Variants in SNTG1 observed in about 807,000 individuals in gnomAD.
SNTG1 encodes syntrophin gamma 1, also known as gamma-1-syntrophin.
Under a neutral mutation model 74.7 loss-of-function variants are expected in SNTG1, and 39 were observed. The ratio of observed to expected loss-of-function variants is 0.52; its 90% CI spans 0.40 to 0.68. The LOEUF is 0.68. SNTG1 is among the 30% of genes least tolerant of loss of function. The pLI, the probability that SNTG1 is intolerant of heterozygous loss-of-function variation, is 0.00. For missense variants in SNTG1, 685 were observed against 609.5 expected (o/e 1.12, Z -1.30); for synonymous variants, 254 against 217.1 (o/e 1.17, Z -1.49).
intron 2 of SNTG1, among the ~76,000 whole-genome samples, chr8:50,194,012 G>A (rs192657527): frequency 6.6e-6 from 1 of 152,100 alleles, no homozygotes; most frequent in African/African-American, 2.4e-5. Flanking sequence ...TGCATCTCTG[G>A]TATGAAAACC....
chr8:49,996,372 CTT>C (rs756250836), intron 1 of SNTG1, among the ~76,000 whole-genome samples: 2 of 143,984 alleles, frequency 1.4e-5, no homozygotes, highest in Non-Finnish European at 1.5e-5. Flanking sequence ...CAGTAAGAAG[CTT>C]TTTTTTTTTA....
chr8:50,705,118 A>G (rs540371407), intron 16 of SNTG1, among the ~76,000 whole-genome samples: 1 of 152,098 alleles, frequency 6.6e-6, no homozygotes, highest in African/African-American at 2.4e-5. Context: ...TGTTGGCGTC[A>G]TTTACTCACA....
intron 12 of SNTG1, among the ~76,000 whole-genome samples, chr8:50,567,806 A>AT (rs2094524363): frequency 6.6e-6 from 1 of 152,052 alleles, no homozygotes; most frequent in Non-Finnish European, 1.5e-5. Context: ...AAATCTAGGC[A>AT]TTTTTTACAG....
intron 1 of SNTG1, among the ~76,000 whole-genome samples, chr8:50,064,689 G>A (rs1177144719): frequency 1.3e-5 from 2 of 152,060 alleles, no homozygotes; most frequent in African/African-American, 4.8e-5. Flanking sequence ...AACACATCCA[G>A]CTCTTTCCTA....
At chr8:50,687,293 G>A (rs981633387) in intron 15 of SNTG1, among the ~76,000 whole-genome samples, 26 of 151,842 alleles carry the variant, frequency 1.7e-4, no homozygotes, top group Non-Finnish European at 7.4e-5. Context: ...AGTAGCAGTA[G>A]TAAATCCTTA....
chr8:50,581,587 T>C (rs1156998084), intron 12 of SNTG1, among the ~76,000 whole-genome samples: 1 of 152,166 alleles, frequency 6.6e-6, no homozygotes, highest in Non-Finnish European at 1.5e-5. Context: ...AGAATTACTA[T>C]TGTCAATCTA....
intron 15 of SNTG1, among the ~76,000 whole-genome samples, chr8:50,689,591 A>T (rs1346161368): frequency 6.9e-6 from 1 of 145,690 alleles, no homozygotes; most frequent in East Asian, 2.0e-4. Context: ...CATCCCGGGG[A>T]TGAAGCCCAC....
chr8:50,385,723 A>G (rs771299038), intron 2 of SNTG1, among the ~76,000 whole-genome samples: 73 of 152,150 alleles, frequency 4.8e-4, no homozygotes, highest in Non-Finnish European at 6.9e-4. Flanking sequence ...GATGGGCCTT[A>G]TGGACAGGAA....
intron 2 of SNTG1, among the ~76,000 whole-genome samples, chr8:50,388,635 C>T (rs2092610402): frequency 6.6e-6 from 1 of 152,094 alleles, no homozygotes; most frequent in South Asian, 2.1e-4. Flanking sequence ...CTACATCAGC[C>T]CAGCAGGCTG....
At chr8:50,195,293 C>T (rs2083723087) in intron 2 of SNTG1, among the ~76,000 whole-genome samples, 1 of 151,786 alleles carries the variant, frequency 6.6e-6, no homozygotes, top group African/African-American at 2.4e-5. Context: ...CCCACCGTGA[C>T]CCCCACAAGA....
intron 2 of SNTG1, among the ~76,000 whole-genome samples, chr8:50,309,693 T>C (rs2090034863): frequency 6.6e-6 from 1 of 152,194 alleles, no homozygotes; most frequent in Non-Finnish European, 1.5e-5. Flanking sequence ...GCAGCTATTT[T>C]AAAGAAGAGT....
intron 2 of SNTG1, among the ~76,000 whole-genome samples, chr8:50,219,518 G>T (rs564996747): frequency 7.9e-5 from 12 of 152,218 alleles, no homozygotes; most frequent in Non-Finnish European, 4.4e-5. Context: ...GGTTCCACAG[G>T]TTGTACAGGA....
At chr8:50,208,950 A>C (rs1014677673) in intron 2 of SNTG1, among the ~76,000 whole-genome samples, 5 of 152,204 alleles carry the variant, frequency 3.3e-5, no homozygotes, top group African/African-American at 1.2e-4. Flanking sequence ...TCACCTGGGA[A>C]GTGCAAGGGG....
At chr8:50,783,263 T>C (rs2095665272) in intron 18 of SNTG1, among the ~76,000 whole-genome samples, 1 of 152,190 alleles carries the variant, frequency 6.6e-6, no homozygotes, top group Non-Finnish European at 1.5e-5. Context: ...CAGAGGTTAC[T>C]GCTGTCTTTT....
Position 50,609,324 on chromosome 8 carries a change from G to T in SNTG1, c.849+18407G>T, listed in dbSNP as rs76530806. 5.0e-3 allele frequency among the ~76,000 whole-genome samples: 761 copies of T among 152,062 alleles called. 7 individuals carry two copies. The highest frequency in any genetic ancestry group is 0.017 in the African/African-American group (709 of 41,540). On this transcript the variant is annotated intron_variant, in intron 13 of 18. Coordinates refer to ENST00000642720, the MANE Select transcript of SNTG1 (RefSeq NM_018967.5). ...AGTTTTATTAGAAATTGAAATCTTT[G>T]TTGACCTTTTTTGTTTGTATCATTC...
chr8:50,408,540 C>T (rs1262519423), intron 4 of SNTG1, among the ~76,000 whole-genome samples: 3 of 152,230 alleles, frequency 2.0e-5, no homozygotes, highest in South Asian at 2.1e-4. Flanking sequence ...TCTGTATCTG[C>T]ACCAAGGCAG....
At chr8:50,721,840 C>T (rs905431988) in intron 17 of SNTG1, among the ~76,000 whole-genome samples, 1 of 152,104 alleles carries the variant, frequency 6.6e-6, no homozygotes, top group Non-Finnish European at 1.5e-5. Flanking sequence ...GGGCCCAGCA[C>T]AGTGAATGCC....
intron 2 of SNTG1, among the ~76,000 whole-genome samples, chr8:50,268,201 C>T (rs1329861873): frequency 1.3e-5 from 2 of 152,000 alleles, no homozygotes; most frequent in Non-Finnish European, 2.9e-5. Flanking sequence ...TTTAACAAAA[C>T]ATGTATAAGA....
intron 1 of SNTG1, among the ~76,000 whole-genome samples, chr8:50,051,459 C>T (rs1042240704): frequency 6.6e-6 from 1 of 152,008 alleles, no homozygotes; most frequent in African/African-American, 2.4e-5. Context: ...AAAGTGCAAA[C>T]ATGTATGCAT....
Sources: gnomAD v4.1 joint callset for allele counts (sites outside exome capture counted in the v4.1 genomes callset) on GRCh38, gnomAD v4.1.1 for gene constraint, MANE v1.5 for transcripts, NCBI Gene and HGNC (gene_info 2026-07-23, HGNC 2026-07-21) for gene names.